Variants in IMPACT observed in about 807,000 individuals in gnomAD.
IMPACT encodes protein IMPACT.
Under a neutral mutation model 47.5 loss-of-function variants are expected in IMPACT, and 35 were observed. That is an observed-to-expected ratio of 0.74 (90% CI 0.56 to 0.98). The LOEUF (loss-of-function observed/expected upper bound fraction) is 0.98, where lower values mean the gene tolerates loss of function less well. Among genes scored for constraint, IMPACT ranks in the 50% least tolerant of loss-of-function variants. The pLI is 0.00. For synonymous variants in IMPACT, 118 were observed against 125.6 expected (o/e 0.94, Z 0.40); for missense variants, 373 against 394.8 (o/e 0.94, Z 0.47).
Position 24,450,863 on chromosome 18 carries a change from G to GC in IMPACT, c.*16_*17insC. The GC allele has an allele frequency of 6.8e-7, 1 of 1,462,864 alleles. No individual in the cohort carries two copies. The highest frequency in any genetic ancestry group is 9.6e-7 in the Non-Finnish European group (1 of 1,045,384). 90.6% of individuals were successfully genotyped at this position (1,462,864 alleles called of 1,614,324 possible). On this transcript the variant is annotated 3_prime_UTR_variant, in exon 11 of 11. Transcript: ENST00000284202. ...TGAACATTAATACCTGAAACTATAG[G>GC]AAAGGTTAATTTGCCTATAATTATA...
At chr18:24,434,764 A>C (rs1213679230) in intron 4 of IMPACT, among the ~76,000 whole-genome samples, 1 of 55,864 alleles carries the variant, frequency 1.8e-5, no homozygotes, top group African/African-American at 1.0e-4. Context: ...ACTCTGTCTC[A>C]AAAAAAAAAA....
chr18:24,452,445 A>C lies in IMPACT; in HGVS notation c.*1598A>C, dbSNP rs994133682. 2 of 152,164 alleles carry C rather than the reference A, an allele frequency of 1.3e-5. No homozygotes were observed. Among genetic ancestry groups the C allele is most frequent in the African/African-American group, 4.8e-5 (2 of 41,470 alleles). The allele number at this position is 152,164 out of a possible 1,614,324, so 9.4% of individuals were successfully genotyped here. A position where few individuals can be genotyped will look rare whatever the true frequency, so the allele number is the denominator to read the frequency against. Reference sequence around the variant, plus strand: ...TAATTAAAGAAGTTAAAAACTATTAACATTAAATAATTTCACAATTTCAAC... The same window carrying C: ...TAATTAAAGAAGTTAAAAACTATTACCATTAAATAATTTCACAATTTCAAC... On this transcript the variant is annotated 3_prime_UTR_variant, in exon 11 of 11. Transcript: ENST00000284202.
At chr18:24,433,914 G>A (rs953163618) in intron 4 of IMPACT, among the ~76,000 whole-genome samples, 6 of 150,638 alleles carry the variant, frequency 4.0e-5, no homozygotes, top group Non-Finnish European at 7.4e-5. Context: ...CAAGTGATCC[G>A]CCTGCCTCGG....
intron 7 of IMPACT, among the ~76,000 whole-genome samples, chr18:24,444,117 C>T (rs145067005): frequency 2.0e-5 from 3 of 152,290 alleles, no homozygotes; most frequent in Non-Finnish European, 4.4e-5. Context: ...ACTTTTGGTG[C>T]AGACTTCTGG....
At chr18:24,443,803 G>A (rs7243960) in intron 7 of IMPACT, among the ~76,000 whole-genome samples, 9,227 of 152,148 alleles carry the variant, frequency 0.061, 907 homozygotes, top group African/African-American at 0.21. Flanking sequence ...CTATTCCTAG[G>A]TCTTTGCCTT....
intron 1 of IMPACT, 88 bp downstream of exon 1, chr18:24,426,880 C>T (rs1908622221): frequency 2.1e-6 from 2 of 952,768 alleles, no homozygotes; most frequent in Non-Finnish European, 2.7e-6. Flanking sequence ...GGCCCTCCGC[C>T]TGGGGCCGCC....
intron 5 of IMPACT, among the ~76,000 whole-genome samples, chr18:24,439,250 G>A (rs1380547615): frequency 6.6e-6 from 1 of 152,130 alleles, no homozygotes; most frequent in Non-Finnish European, 1.5e-5. Context: ...GGGTATTGAG[G>A]CTGGGCACAG....
chr18:24,445,036 C>G (rs1382669881), intron 7 of IMPACT, among the ~76,000 whole-genome samples: 3 of 152,198 alleles, frequency 2.0e-5, no homozygotes, highest in Admixed American at 2.0e-4. Flanking sequence ...TATTGTACAC[C>G]TGCTACATTG....
Position 24,443,155 on chromosome 18 carries a change from A to G in IMPACT, c.594+3A>G. On this transcript the variant is annotated splice_donor_region_variant and intron_variant, in intron 7 of 10. Coordinates refer to ENST00000284202, the MANE Select transcript of IMPACT (RefSeq NM_018439.4). ...CTCCAGTGGTTTGTCCCAAACAGGT[A>G]AAGTTCCTTTGTCTAGCTCACTTTG... The G allele has an allele frequency of 6.6e-7, 1 of 1,504,216 alleles. No homozygotes were observed. Among genetic ancestry groups the G allele is most frequent in the East Asian group, 2.3e-5 (1 of 43,684 alleles). 93.2% of individuals were successfully genotyped at this position (1,504,216 alleles called of 1,614,324 possible).
intron 6 of IMPACT, among the ~76,000 whole-genome samples, chr18:24,441,258 G>T (rs561906359): frequency 6.6e-6 from 1 of 152,224 alleles, no homozygotes; most frequent in Admixed American, 6.5e-5. Flanking sequence ...GCAGTGGCAC[G>T]ATCTCAGTTC....
chr18:24,450,019 C>A, intron 10 of IMPACT, 66 bp downstream of exon 10: 1 of 1,530,178 alleles, frequency 6.5e-7, no homozygotes, highest in East Asian at 2.3e-5. Context: ...TTTAAAAAGA[C>A]AGAAAATTAA....
chr18:24,448,119 T>C lies in IMPACT; in HGVS notation c.695T>C (p.Phe232Ser). 8 of 1,612,976 alleles carry C rather than the reference T, an allele frequency of 5.0e-6. No individual in the cohort carries two copies. The highest frequency in any genetic ancestry group is 5.9e-6 in the Non-Finnish European group (7 of 1,179,050). Residue 232 changes from phenylalanine (F) to serine (S), a missense_variant, in exon 9 of 11, where the codon TTC becomes TCC. Coordinates refer to ENST00000284202, the MANE Select transcript of IMPACT (RefSeq NM_018439.4). ...ATATATTGTGAGGATAAACAGACCT[T>C]CTTACAGGATTGTGAGGATGATGGG... ...YRIYCEDKQT[F>S]LQDCEDDGET...
Position 24,449,918 on chromosome 18 carries a change from A to C in IMPACT, c.859A>C (p.Asn287His). 6.2e-7 allele frequency: 1 copy of C among 1,614,128 alleles called. No homozygotes were observed. The highest frequency in any genetic ancestry group is 8.5e-7 in the Non-Finnish European group (1 of 1,179,980). Residue 287 changes from asparagine to histidine, a missense_variant, in exon 10 of 11, where the codon AAC (asparagine) becomes CAC (histidine). Physicochemically the swap from Asn to His is moderately conservative, Grantham distance 68. Transcript: ENST00000284202. ...TAAACATATCAACAACTGTGCCAGA[A>C]ACATACTAGTGGAAAAGAACTACAC... ...RFKHINNCARNILVEKNYTNS... is the reference protein window; with the variant it reads ...RFKHINNCARHILVEKNYTNS...
At chr18:24,427,673 C>G (rs1218312798) in intron 1 of IMPACT, 1 of 449,942 alleles carries the variant, frequency 2.2e-6, no homozygotes, top group Non-Finnish European at 3.9e-6. Flanking sequence ...TATTTTGACT[C>G]AATAGTGGCC....
rs1454429903 is a variant in IMPACT, at chr18:24,434,795, A to ATATATATG, written c.282-3159_282-3158insATATATGT. Among the ~76,000 whole-genome samples the ATATATATG allele has an allele frequency of 1.0e-3, 68 of 67,618 alleles. 2 individuals carry two copies. Among genetic ancestry groups the ATATATATG allele is most frequent in the African/African-American group, 3.5e-3 (64 of 18,278 alleles). The allele number at this position is 67,618 out of a possible 152,430, so 44.4% of individuals were successfully genotyped here. A position where few individuals can be genotyped will look rare whatever the true frequency, so the allele number is the denominator to read the frequency against. ...AAAAAAAATATATATATATATATAT[A>ATATATATG]TGTGTGTGTGTGTGTATATATATGT... On this transcript the variant is annotated intron_variant, in intron 4 of 10. Coordinates refer to ENST00000284202, the MANE Select transcript of IMPACT (RefSeq NM_018439.4).
chr18:24,435,703 T>A (rs749953795), intron 4 of IMPACT, among the ~76,000 whole-genome samples: 54 of 152,168 alleles, frequency 3.5e-4, no homozygotes, highest in Non-Finnish European at 6.6e-4. Flanking sequence ...GATGAGCTAG[T>A]GGAAAAATAC....
chr18:24,447,500 T>C (rs1909276400), intron 8 of IMPACT, among the ~76,000 whole-genome samples: 1 of 152,170 alleles, frequency 6.6e-6, no homozygotes, highest in Non-Finnish European at 1.5e-5. Context: ...AATACCACGA[T>C]TTGTCTCTAA....
intron 7 of IMPACT, among the ~76,000 whole-genome samples, chr18:24,444,402 A>G (rs754900560): frequency 1.3e-5 from 2 of 152,056 alleles, no homozygotes; most frequent in Admixed American, 6.6e-5. Flanking sequence ...GGTGTCCCCA[A>G]CTCTAGCTCA....
intron 10 of IMPACT, 147 bp from the exon 11 acceptor site, chr18:24,450,632 T>C (rs1892078042): frequency 2.1e-6 from 1 of 481,800 alleles, no homozygotes; most frequent in Non-Finnish European, 3.7e-6. Context: ...AAAGTGATTA[T>C]ACCCTCACTG....
Sources: allele counts gnomAD v4.1 joint callset (sites outside exome capture counted in the v4.1 genomes callset), GRCh38; gene constraint gnomAD v4.1.1; transcripts MANE v1.5; gene names NCBI Gene and HGNC (gene_info 2026-07-23, HGNC 2026-07-21).